Variants in CBFA2T2 observed in about 807,000 individuals in gnomAD.
CBFA2T2 encodes CBFA2/RUNX1 partner transcriptional co-repressor 2, also known as protein CBFA2T2.
CBFA2T2 carries 11 observed loss-of-function variants against 62.2 expected under a neutral mutation model. The ratio of observed to expected loss-of-function variants is 0.18; its 90% CI spans 0.11 to 0.29. The LOEUF (loss-of-function observed/expected upper bound fraction) is 0.29. Ranked by LOEUF, CBFA2T2 falls within the 10% of genes least tolerant of loss-of-function variation. CBFA2T2 has a pLI of 1.00. For synonymous variants in CBFA2T2, 295 were observed against 287.5 expected, an observed-to-expected ratio of 1.03 and a Z score of -0.27; for missense variants, 592 against 774.1, an observed-to-expected ratio of 0.76 and a Z score of 2.79.
At chr20:33,519,446 G>T (rs1201450507) in intron 1 of CBFA2T2, among the ~76,000 whole-genome samples, 2 of 152,048 alleles carry the variant, frequency 1.3e-5, no homozygotes, top group African/African-American at 4.8e-5. Context: ...CTCCAGTCTG[G>T]GCAACAGTGC....
At chr20:33,607,988 A>G (rs886766983) in intron 2 of CBFA2T2, among the ~76,000 whole-genome samples, 1 of 152,250 alleles carries the variant, frequency 6.6e-6, no homozygotes, top group Non-Finnish European at 1.5e-5. Context: ...TCAAAATGAT[A>G]CCAAGTTTTG....
chr20:33,616,908 T>C (rs1400093132), intron 3 of CBFA2T2, among the ~76,000 whole-genome samples: 2 of 152,200 alleles, frequency 1.3e-5, no homozygotes, highest in Admixed American at 1.3e-4. Context: ...ACAACACTGA[T>C]GTACAGAAAT....
intron 1 of CBFA2T2, among the ~76,000 whole-genome samples, chr20:33,560,084 G>T (rs2013034749): frequency 6.6e-6 from 1 of 152,156 alleles, no homozygotes; most frequent in Non-Finnish European, 1.5e-5. Flanking sequence ...ACCTCACATG[G>T]TTTGTATGGG....
At position 33,649,174 on chromosome 20, in the gene CBFA2T2, T is replaced by A. The variant is rs571969019; in HGVS notation, c.*4528T>A. The A allele has an allele frequency of 6.6e-6, 1 of 152,056 alleles. No individual in the cohort carries two copies. The highest frequency in any genetic ancestry group is 2.4e-5 in the African/African-American group (1 of 41,444). The allele number at this position is 152,056 out of a possible 1,614,324, so 9.4% of individuals were successfully genotyped here. A position where few individuals can be genotyped will look rare whatever the true frequency, so the allele number is the denominator to read the frequency against. On this transcript the variant is annotated 3_prime_UTR_variant, in exon 11 of 11. Coordinates refer to ENST00000342704, the MANE Select transcript of CBFA2T2 (RefSeq NM_001032999.3). The stretch of plus-strand genomic sequence containing the variant: ...ACCAACTTCCTTAGATTTTTTTTTT[T>A]AAGCTGTTTGCAGAAAACTGGGTGG...
At chr20:33,573,241 G>A (rs1280207992) in intron 1 of CBFA2T2, among the ~76,000 whole-genome samples, 1 of 152,070 alleles carries the variant, frequency 6.6e-6, no homozygotes, top group Non-Finnish European at 1.5e-5. Context: ...TAATATATAT[G>A]TAGCCTAAAA....
At chr20:33,503,254 CTT>C (rs557746879) in intron 1 of CBFA2T2, among the ~76,000 whole-genome samples, 17 of 108,652 alleles carry the variant, frequency 1.6e-4, no homozygotes, top group East Asian at 1.1e-3. Flanking sequence ...TTCTTTCTTT[CTT>C]TTTTTTTTTT....
intron 1 of CBFA2T2, among the ~76,000 whole-genome samples, chr20:33,601,662 A>G (rs983495931): frequency 2.0e-5 from 3 of 152,160 alleles, no homozygotes; most frequent in Admixed American, 1.3e-4. Flanking sequence ...AAAGATCTCT[A>G]TATGGATCTT....
intron 1 of CBFA2T2, among the ~76,000 whole-genome samples, chr20:33,517,895 C>T (rs1233928395): frequency 6.6e-6 from 1 of 151,942 alleles, no homozygotes; most frequent in Admixed American, 6.6e-5. Flanking sequence ...CCACCCGCCT[C>T]GGCCTCCTAA....
At chr20:33,584,520 G>A (rs1379608108) in intron 1 of CBFA2T2, among the ~76,000 whole-genome samples, 3 of 152,050 alleles carry the variant, frequency 2.0e-5, no homozygotes, top group Non-Finnish European at 4.4e-5. Flanking sequence ...GCCTCCCAAA[G>A]TGCTGAGATT....
intron 1 of CBFA2T2, among the ~76,000 whole-genome samples, chr20:33,591,818 C>T (rs2014653165): frequency 6.9e-6 from 1 of 144,268 alleles, no homozygotes; most frequent in Non-Finnish European, 1.5e-5. Context: ...TTTCCCAAGT[C>T]CATTCTCATG....
chr20:33,512,117 C>G (rs1310463049), intron 1 of CBFA2T2, among the ~76,000 whole-genome samples: 1 of 151,830 alleles, frequency 6.6e-6, no homozygotes, highest in South Asian at 2.1e-4. Flanking sequence ...GGGGAGGTTG[C>G]AGTGAGCTGA....
At chr20:33,597,607 C>T (rs2014947181) in intron 1 of CBFA2T2, among the ~76,000 whole-genome samples, 1 of 152,176 alleles carries the variant, frequency 6.6e-6, no homozygotes, top group Non-Finnish European at 1.5e-5. Flanking sequence ...CTAGGTTGTG[C>T]ACTCCTTATG....
In CBFA2T2 at chr20:33,623,264, G is replaced by A. The variant is rs143525698; in HGVS notation, c.660G>A (p.Val220=). 3.3e-3 allele frequency: 5,389 copies of A among 1,614,248 alleles called. 48 individuals are homozygous for A. The highest frequency in any genetic ancestry group is 0.021 in the South Asian group (1,914 of 91,090). The part of the protein sequence containing the change: ...PADSSELLME[V]HGNGKRPSPE... ...ACTCGTCAGAGTTGCTCATGGAGGT[G>A]CACGGAAATGGGAAGAGGCCCAGTC... Residue 220 remains valine, a synonymous_variant, in exon 5 of 11, where the codon GTG becomes GTA. Coordinates refer to ENST00000342704, the MANE Select transcript of CBFA2T2 (RefSeq NM_001032999.3).
At chr20:33,529,472 C>G (rs2011983856) in intron 1 of CBFA2T2, among the ~76,000 whole-genome samples, 1 of 151,656 alleles carries the variant, frequency 6.6e-6, no homozygotes, top group African/African-American at 2.4e-5. Context: ...TTGTAAGTTA[C>G]AAAAGAGACA....
intron 1 of CBFA2T2, among the ~76,000 whole-genome samples, chr20:33,546,972 G>A (rs1333309876): frequency 2.7e-5 from 4 of 150,840 alleles, no homozygotes; most frequent in African/African-American, 7.3e-5. Context: ...AGGCCGAGGC[G>A]GGTGAATCAT....
At chr20:33,535,039 A>G (rs1200439230) in intron 1 of CBFA2T2, among the ~76,000 whole-genome samples, 2 of 152,230 alleles carry the variant, frequency 1.3e-5, no homozygotes, top group Non-Finnish European at 2.9e-5. Flanking sequence ...CCATTTGTTA[A>G]AAAATGCAAT....
At chr20:33,530,245 C>G (rs980719762) in intron 1 of CBFA2T2, among the ~76,000 whole-genome samples, 1 of 152,024 alleles carries the variant, frequency 6.6e-6, no homozygotes, top group Admixed American at 6.6e-5. Flanking sequence ...TCTTTTGTAT[C>G]TTGTTCAATC....
chr20:33,516,049 A>C (rs747599334), intron 1 of CBFA2T2, among the ~76,000 whole-genome samples: 1 of 152,096 alleles, frequency 6.6e-6, no homozygotes, highest in African/African-American at 2.4e-5. Context: ...AGGCAGGAGG[A>C]GGCTAAGCCC....
chr20:33,642,249 G>T (rs2016886395), intron 10 of CBFA2T2, among the ~76,000 whole-genome samples: 1 of 151,616 alleles, frequency 6.6e-6, no homozygotes, highest in Non-Finnish European at 1.5e-5. Flanking sequence ...GCCTCCCTAA[G>T]AGCTGGGATT....
Sources: gnomAD v4.1 joint callset for allele counts (sites outside exome capture counted in the v4.1 genomes callset) on GRCh38, gnomAD v4.1.1 for gene constraint, MANE v1.5 for transcripts, NCBI Gene and HGNC (gene_info 2026-07-23, HGNC 2026-07-21) for gene names.